The following TAS2R1 variants were observed in gnomAD, a reference collection of about 807,000 sequenced individuals.
TAS2R1 encodes taste 2 receptor member 1.
For missense variants in TAS2R1, 370 were observed against 353.4 expected (o/e 1.05, Z -0.38); for synonymous variants, 141 against 134.2 (o/e 1.05, Z -0.35).
chr5:9,846,478 T>C, the TAS2R1 span, among the ~76,000 whole-genome samples: 1 of 152,106 alleles, frequency 6.6e-6, no homozygotes, highest in Non-Finnish European at 1.5e-5. Context: ...AGAACACACT[T>C]CTCCTCTCTT....
the TAS2R1 span, among the ~76,000 whole-genome samples, chr5:9,726,155 G>T: frequency 6.6e-6 from 1 of 151,838 alleles, no homozygotes; most frequent in Non-Finnish European, 1.5e-5. Flanking sequence ...CTACCTCAAG[G>T]TTTGTGAACA....
chr5:9,756,974 A>T, the TAS2R1 span, among the ~76,000 whole-genome samples: 1 of 152,226 alleles, frequency 6.6e-6, no homozygotes, highest in African/African-American at 2.4e-5. Context: ...GGACATAATA[A>T]AGTCAAAATA....
chr5:9,753,489 C>T, the TAS2R1 span, among the ~76,000 whole-genome samples: 1 of 152,100 alleles, frequency 6.6e-6, no homozygotes, highest in Admixed American at 6.5e-5. Context: ...TTCTCCCATT[C>T]TGTAGGTTGC....
chr5:9,782,495 A>G, the TAS2R1 span, among the ~76,000 whole-genome samples: 1 of 152,186 alleles, frequency 6.6e-6, no homozygotes, highest in East Asian at 1.9e-4. Context: ...CCCACATATT[A>G]AGCCCTGACT....
At chr5:9,658,597 C>A in intron 2 of TAS2R1, 1 of 152,264 alleles carries the variant, frequency 6.6e-6, no homozygotes. Flanking sequence ...TGCAATAAAG[C>A]ACCCCAGTTA....
chr5:9,703,910 A>G (rs1741544532), intron 1 of TAS2R1, among the ~76,000 whole-genome samples: 1 of 152,216 alleles, frequency 6.6e-6, no homozygotes, highest in Non-Finnish European at 1.5e-5. Context: ...TAATATCCTA[A>G]GTCCAAGATT....
chr5:9,644,558 G>A (rs1026458493), intron 2 of TAS2R1, among the ~76,000 whole-genome samples: 3 of 152,152 alleles, frequency 2.0e-5, no homozygotes, highest in Non-Finnish European at 4.4e-5. Flanking sequence ...CTCCTGAGAC[G>A]GCTACTGCAG....
At chr5:9,792,940 C>T in the TAS2R1 span, among the ~76,000 whole-genome samples, 1 of 152,110 alleles carries the variant, frequency 6.6e-6, no homozygotes, top group Non-Finnish European at 1.5e-5. Flanking sequence ...GGGGATCCCA[C>T]AATTAAAAGC....
the TAS2R1 span, among the ~76,000 whole-genome samples, chr5:9,819,650 C>T: frequency 6.6e-6 from 1 of 152,118 alleles, no homozygotes; most frequent in African/African-American, 2.4e-5. Context: ...ATCTGGCTTC[C>T]ACTGATGTAT....
At chr5:9,783,546 T>C in the TAS2R1 span, among the ~76,000 whole-genome samples, 593 of 152,350 alleles carry the variant, frequency 3.9e-3, 5 homozygotes, top group African/African-American at 0.014. Context: ...AAGCCCAGTT[T>C]CTCAAGCCCA....
the TAS2R1 span, among the ~76,000 whole-genome samples, chr5:9,785,550 A>G: frequency 6.6e-6 from 1 of 152,180 alleles, no homozygotes. Flanking sequence ...AAATATGAGT[A>G]TGTTTGAATT....
intron 1 of TAS2R1, among the ~76,000 whole-genome samples, chr5:9,685,086 G>C (rs1366296820): frequency 6.6e-6 from 1 of 152,156 alleles, no homozygotes; most frequent in African/African-American, 2.4e-5. Context: ...TAAGCCCATG[G>C]ACTGTATGTA....
At chr5:9,831,417 G>A in the TAS2R1 span, among the ~76,000 whole-genome samples, 1 of 152,148 alleles carries the variant, frequency 6.6e-6, no homozygotes, top group Admixed American at 6.5e-5. Flanking sequence ...ATAGCATTTA[G>A]AAGTGTTTGT....
chr5:9,701,085 G>A lies in TAS2R1; in HGVS notation c.-242+11087C>T, dbSNP rs534736113. On this transcript the variant is annotated intron_variant, in intron 1 of 2. Coordinates refer to the TAS2R1 transcript ENST00000506620. ...AACACTCCTGACACAGGTGAACCCC[G>A]CTGGCAAATTAGTTTCTCAAAAGCG... is the stretch of plus-strand genomic sequence containing the variant. Among the ~76,000 whole-genome samples, 11 of 152,196 alleles carry A rather than the reference G, an allele frequency of 7.2e-5. No individual in the cohort carries two copies. The South Asian group carries it at 1.7e-3, about 23-fold the overall frequency.
At chr5:9,755,587 CAAAAAA>C in the TAS2R1 span, among the ~76,000 whole-genome samples, 4 of 94,866 alleles carry the variant, frequency 4.2e-5, no homozygotes, top group African/African-American at 8.7e-5. Flanking sequence ...ACTCCATCTC[CAAAAAA>C]AAAAAAAAAA....
At chr5:9,779,798 C>T in the TAS2R1 span, among the ~76,000 whole-genome samples, 56,553 of 151,948 alleles carry the variant, frequency 0.37, 11,311 homozygotes, top group Admixed American at 0.47. Flanking sequence ...GTATATATTG[C>T]TGGGAAACAG....
chr5:9,712,057 A>T (rs1398895219), intron 1 of TAS2R1: 1 of 88,954 alleles, frequency 1.1e-5, no homozygotes, highest in Non-Finnish European at 2.3e-5. Context: ...GGAGGGAGGG[A>T]GGGAATAGAA....
the TAS2R1 span, among the ~76,000 whole-genome samples, chr5:9,848,284 G>C: frequency 6.6e-6 from 1 of 152,108 alleles, no homozygotes; most frequent in Non-Finnish European, 1.5e-5. Flanking sequence ...CATCATCATG[G>C]AATCACAGGA....
the TAS2R1 span, chr5:9,903,449 A>G: frequency 6.6e-6 from 1 of 151,988 alleles, no homozygotes; most frequent in Non-Finnish European, 1.5e-5. Flanking sequence ...CACTGTACCC[A>G]ATGTGTAGTC....
Sources: allele counts gnomAD v4.1 joint callset (sites outside exome capture counted in the v4.1 genomes callset), GRCh38; gene constraint gnomAD v4.1.1; transcripts MANE v1.5; gene names NCBI Gene and HGNC (gene_info 2026-07-23, HGNC 2026-07-21).